Variants in AGBL4 observed in about 807,000 individuals in gnomAD.
The protein encoded by AGBL4 is AGBL carboxypeptidase 4, also known as cytosolic carboxypeptidase 6.
AGBL4 carries 58 observed loss-of-function variants against 66.4 expected under a neutral mutation model. The ratio of observed to expected loss-of-function variants is 0.87; its 90% CI spans 0.71 to 1.09. The LOEUF (loss-of-function observed/expected upper bound fraction) is 1.09. AGBL4 is among the 50% of genes least tolerant of loss of function. The pLI is 0.00. For missense variants in AGBL4, 579 were observed against 631.0 expected (o/e 0.92, Z 0.88); for synonymous variants, 234 against 222.9 (o/e 1.05, Z -0.44).
intron 5 of AGBL4, among the ~76,000 whole-genome samples, chr1:49,016,288 T>C (rs1257888019): frequency 6.6e-6 from 1 of 152,186 alleles, no homozygotes; most frequent in African/African-American, 2.4e-5. Flanking sequence ...GGGGAGGCAG[T>C]CCTGTCAGAA....
intron 1 of AGBL4, among the ~76,000 whole-genome samples, chr1:49,870,251 A>G (rs1557529994): frequency 6.6e-6 from 1 of 152,172 alleles, no homozygotes. Flanking sequence ...TTTTTAAATG[A>G]AAATCACTGG....
At chr1:49,847,360 C>T (rs1042197349) in intron 2 of AGBL4, among the ~76,000 whole-genome samples, 1 of 152,110 alleles carries the variant, frequency 6.6e-6, no homozygotes, top group African/African-American at 2.4e-5. Flanking sequence ...GCAAATAATT[C>T]ATGACTAAGG....
intron 2 of AGBL4, among the ~76,000 whole-genome samples, chr1:49,824,091 C>A (rs1240917735): frequency 2.0e-5 from 3 of 152,048 alleles, no homozygotes; most frequent in African/African-American, 7.2e-5. Flanking sequence ...TGCCTGTAAT[C>A]CCAGCTACTT....
intron 3 of AGBL4, among the ~76,000 whole-genome samples, chr1:49,691,057 T>G (rs1646877443): frequency 6.6e-6 from 1 of 151,966 alleles, no homozygotes; most frequent in African/African-American, 2.4e-5. Flanking sequence ...AATAACAGGT[T>G]TTGAAAGAAG....
chr1:50,007,677 T>C (rs1174135276), intron 1 of AGBL4, among the ~76,000 whole-genome samples: 1 of 151,958 alleles, frequency 6.6e-6, no homozygotes, highest in Non-Finnish European at 1.5e-5. Flanking sequence ...TGAGGCAAGA[T>C]GATTGCTTGA....
chr1:48,774,148 G>C (rs1162868257), intron 6 of AGBL4, among the ~76,000 whole-genome samples: 1 of 152,236 alleles, frequency 6.6e-6, no homozygotes, highest in Non-Finnish European at 1.5e-5. Flanking sequence ...TTGTGTCAGA[G>C]AGATTAATTA....
chr1:49,144,525 C>CCA (rs1237916149), intron 4 of AGBL4, among the ~76,000 whole-genome samples: 4 of 80,576 alleles, frequency 5.0e-5, no homozygotes, highest in South Asian at 5.2e-4. Flanking sequence ...TTTACCTAAT[C>CCA]TACACACACA....
chr1:48,852,446 T>TC (rs1398243118), intron 6 of AGBL4, among the ~76,000 whole-genome samples: 3 of 152,148 alleles, frequency 2.0e-5, no homozygotes, highest in Admixed American at 1.3e-4. Flanking sequence ...TGGGTCCTAA[T>TC]CTCTAGGAAC....
intron 8 of AGBL4, among the ~76,000 whole-genome samples, chr1:48,635,839 G>T (rs1364940466): frequency 1.3e-5 from 2 of 152,180 alleles, no homozygotes; most frequent in African/African-American, 4.8e-5. Flanking sequence ...GATCACTGAT[G>T]CTCACCTTCT....
chr1:49,670,403 G>A (rs1646453444), intron 3 of AGBL4, among the ~76,000 whole-genome samples: 1 of 152,158 alleles, frequency 6.6e-6, no homozygotes, highest in South Asian at 2.1e-4. Flanking sequence ...TTACAAAGTG[G>A]TAAACTTTGT....
intron 5 of AGBL4, among the ~76,000 whole-genome samples, chr1:48,932,887 A>G (rs983783291): frequency 6.6e-6 from 1 of 152,176 alleles, no homozygotes; most frequent in African/African-American, 2.4e-5. Context: ...ACAATGTTTG[A>G]CTGTAGTCTA....
At chr1:49,141,061 A>G (rs1423331558) in intron 4 of AGBL4, among the ~76,000 whole-genome samples, 1 of 152,316 alleles carries the variant, frequency 6.6e-6, no homozygotes, top group Non-Finnish European at 1.5e-5. Flanking sequence ...TTTAAACACA[A>G]CAGGAATGAG....
At chr1:48,614,858 G>C (rs1477429688) in intron 9 of AGBL4, among the ~76,000 whole-genome samples, 1 of 152,178 alleles carries the variant, frequency 6.6e-6, no homozygotes, top group Admixed American at 6.5e-5. Flanking sequence ...GATCTAGGTT[G>C]GATTCCCAAT....
intron 5 of AGBL4, among the ~76,000 whole-genome samples, chr1:48,997,875 T>C (rs1036370939): frequency 4.6e-5 from 7 of 152,340 alleles, no homozygotes; most frequent in African/African-American, 1.4e-4. Context: ...TCTACTAATA[T>C]TGGTCACCAT....
intron 5 of AGBL4, among the ~76,000 whole-genome samples, chr1:49,019,068 CAGA>C (rs1401847132): frequency 6.6e-6 from 1 of 152,052 alleles, no homozygotes; most frequent in Non-Finnish European, 1.5e-5. Flanking sequence ...TCTGGCTTAA[CAGA>C]AGGAGAATAG....
At chr1:49,774,028 C>T (rs1238152675) in intron 2 of AGBL4, among the ~76,000 whole-genome samples, 1 of 152,132 alleles carries the variant, frequency 6.6e-6, no homozygotes, top group Non-Finnish European at 1.5e-5. Flanking sequence ...GGCTACTGGC[C>T]TCAAAGCAGG....
chr1:49,914,291 C>A (rs1318304968), intron 1 of AGBL4, among the ~76,000 whole-genome samples: 1 of 152,190 alleles, frequency 6.6e-6, no homozygotes, highest in Non-Finnish European at 1.5e-5. Flanking sequence ...GATATTTCTT[C>A]CACCAGATAT....
chr1:48,832,475 C>T (rs1646576510), intron 6 of AGBL4, among the ~76,000 whole-genome samples: 1 of 152,122 alleles, frequency 6.6e-6, no homozygotes, highest in Admixed American at 6.6e-5. Flanking sequence ...TTTCAAGGTA[C>T]TCGCTAGGTT....
At position 48,620,044 on chromosome 1, in the gene AGBL4, G is replaced by C. The variant is rs543766135; in HGVS notation, c.951+14449C>G. Among the ~76,000 whole-genome samples the C allele has an allele frequency of 5.9e-5, 9 of 152,252 alleles. No individual in the cohort carries two copies. In the East Asian group the frequency reaches 1.7e-3, roughly 29 times the overall value. On this transcript the variant is annotated intron_variant, in intron 9 of 13. Transcript: ENST00000371839. ...CCAAACTCTCGGAATGAAGGAAATCGGCTTGCCCTCCGAAGGTTAAACCGT... is the reference window on the plus strand; with the variant it reads ...CCAAACTCTCGGAATGAAGGAAATCCGCTTGCCCTCCGAAGGTTAAACCGT...
Sources: gnomAD v4.1 joint callset for allele counts (sites outside exome capture counted in the v4.1 genomes callset) on GRCh38, gnomAD v4.1.1 for gene constraint, MANE v1.5 for transcripts, NCBI Gene and HGNC (gene_info 2026-07-23, HGNC 2026-07-21) for gene names.